RANBP17: variants seen among roughly 807,000 people sequenced by gnomAD.
RANBP17 encodes the protein RAN binding protein 17.
A neutral mutation model predicts 141.2 loss-of-function variants in RANBP17; 158 were observed. The observed-to-expected ratio is 1.12, with a 90% CI of 0.98 to 1.28. RANBP17 has a LOEUF of 1.28. Ranked by LOEUF, RANBP17 falls within the 50% of genes most tolerant of loss-of-function variation. RANBP17 has a pLI of 0.00. For synonymous variants in RANBP17, 430 were observed against 450.0 expected, an observed-to-expected ratio of 0.96 and a Z score of 0.56; for missense variants, 1,438 against 1,290.7, an observed-to-expected ratio of 1.11 and a Z score of -1.75.
At chr5:170,950,579 A>G (rs768388602) in intron 12 of RANBP17, among the ~76,000 whole-genome samples, 8 of 152,098 alleles carry the variant, frequency 5.3e-5, no homozygotes, top group Non-Finnish European at 1.2e-4. Flanking sequence ...AAACAGAAAA[A>G]ATAACAGAAG....
At chr5:171,053,562 T>C (rs1783108221) in intron 14 of RANBP17, among the ~76,000 whole-genome samples, 1 of 152,160 alleles carries the variant, frequency 6.6e-6, no homozygotes, top group Non-Finnish European at 1.5e-5. Context: ...TTTTTGTTTG[T>C]TGATCATGTT....
chr5:170,990,335 A>G (rs1475558952), intron 14 of RANBP17, among the ~76,000 whole-genome samples: 1 of 151,864 alleles, frequency 6.6e-6, no homozygotes, highest in Non-Finnish European at 1.5e-5. Flanking sequence ...TGGTTATGTA[A>G]TGTTAAGCGT....
At chr5:171,158,353 C>T (rs1011062926) in intron 14 of RANBP17, 28 of 186,570 alleles carry the variant, frequency 1.5e-4, no homozygotes, top group Admixed American at 4.4e-4. Flanking sequence ...GGCTCCCCAG[C>T]GCCAGTATCC....
intron 1 of RANBP17, among the ~76,000 whole-genome samples, chr5:170,867,865 C>T (rs1475056902): frequency 2.0e-5 from 3 of 152,148 alleles, no homozygotes; most frequent in South Asian, 4.1e-4. Flanking sequence ...ATCCATCCCC[C>T]CAAAAGTTTC....
intron 14 of RANBP17, among the ~76,000 whole-genome samples, chr5:171,117,409 C>T (rs1755712605): frequency 6.6e-6 from 1 of 152,020 alleles, no homozygotes; most frequent in Non-Finnish European, 1.5e-5. Context: ...TTGCATTTCC[C>T]TGATGATTAG....
At chr5:171,282,173 C>T (rs993556618) in intron 25 of RANBP17, among the ~76,000 whole-genome samples, 1 of 152,014 alleles carries the variant, frequency 6.6e-6, no homozygotes, top group African/African-American at 2.4e-5. Flanking sequence ...TAGCATGGCA[C>T]GATGGACTAT....
At chr5:171,181,947 G>A (rs1760886836) in intron 16 of RANBP17, among the ~76,000 whole-genome samples, 1 of 152,250 alleles carries the variant, frequency 6.6e-6, no homozygotes, top group African/African-American at 2.4e-5. Flanking sequence ...GGGAAACTAA[G>A]GCTGAGACAG....
chr5:170,907,863 G>A lies in RANBP17; in HGVS notation c.490-1798G>A, dbSNP rs914826924. Among the ~76,000 whole-genome samples, 5 of 151,880 alleles carry A rather than the reference G, an allele frequency of 3.3e-5. No homozygotes were observed. In the South Asian group the frequency reaches 6.2e-4, roughly 19 times the overall value. ...TAATCAAGAGAGGCATTAAAAATAA[G>A]CAAAAGACATGAACAGACACTTCTC... On this transcript the variant is annotated intron_variant, in intron 5 of 27. Transcript: ENST00000523189.
chr5:171,270,844 G>A (rs977079878), intron 25 of RANBP17, among the ~76,000 whole-genome samples: 1 of 152,012 alleles, frequency 6.6e-6, no homozygotes, highest in Non-Finnish European at 1.5e-5. Flanking sequence ...ACAGAAATTA[G>A]CAAGAACTAT....
chr5:171,189,160 G>A (rs1204777619), intron 18 of RANBP17, among the ~76,000 whole-genome samples: 1 of 152,100 alleles, frequency 6.6e-6, no homozygotes, highest in Non-Finnish European at 1.5e-5. Flanking sequence ...CTTGGTGCAT[G>A]GTAGGTGCTC....
At chr5:171,035,673 T>G (rs1781825173) in intron 14 of RANBP17, among the ~76,000 whole-genome samples, 1 of 151,056 alleles carries the variant, frequency 6.6e-6, no homozygotes, top group Non-Finnish European at 1.5e-5. Flanking sequence ...AGGAATCAAA[T>G]TCAGAAAGTG....
At chr5:171,177,435 G>A (rs1238767388) in intron 16 of RANBP17, among the ~76,000 whole-genome samples, 1 of 152,072 alleles carries the variant, frequency 6.6e-6, no homozygotes, top group Non-Finnish European at 1.5e-5. Flanking sequence ...TCCTTTGACC[G>A]TACTTGACTT....
rs1054809118 is a variant in RANBP17, at chr5:171,232,382, A to G, written c.2423-8546A>G. Reference sequence around the variant, plus strand: ...GTAAAGTTAAGGAAGGTATGGAACCACCATAAGCATACAGCCTGGGGTCCA... The same window carrying G: ...GTAAAGTTAAGGAAGGTATGGAACCGCCATAAGCATACAGCCTGGGGTCCA... On this transcript the variant is annotated intron_variant, in intron 22 of 27. Coordinates refer to ENST00000523189, the MANE Select transcript of RANBP17 (RefSeq NM_022897.5). 5.3e-5 allele frequency among the ~76,000 whole-genome samples: 8 copies of G among 152,296 alleles called. No homozygotes were observed. In the South Asian group the frequency reaches 1.7e-3, roughly 32 times the overall value.
intron 22 of RANBP17, among the ~76,000 whole-genome samples, chr5:171,237,420 T>C (rs191979516): frequency 6.6e-6 from 1 of 152,316 alleles, no homozygotes; most frequent in African/African-American, 2.4e-5. Flanking sequence ...GGGAATTCCA[T>C]AGTACTTGTG....
At chr5:171,265,135 G>T (rs1240002627) in intron 24 of RANBP17, among the ~76,000 whole-genome samples, 1 of 152,216 alleles carries the variant, frequency 6.6e-6, no homozygotes, top group East Asian at 1.9e-4. Flanking sequence ...AAAAGAGGTT[G>T]TTAAGGTCGC....
intron 14 of RANBP17, among the ~76,000 whole-genome samples, chr5:171,115,181 A>G (rs1755526080): frequency 6.6e-6 from 1 of 152,180 alleles, no homozygotes; most frequent in Non-Finnish European, 1.5e-5. Context: ...CCAAGCTACT[A>G]CTAAACTTCT....
chr5:170,862,339 G>A (rs1252824075), intron 1 of RANBP17, among the ~76,000 whole-genome samples: 2 of 152,206 alleles, frequency 1.3e-5, no homozygotes, highest in African/African-American at 4.8e-5. Context: ...GGGAAGGTGC[G>A]GACGCCGGCA....
chr5:170,994,593 A>T (rs958164864), intron 14 of RANBP17, among the ~76,000 whole-genome samples: 1 of 152,108 alleles, frequency 6.6e-6, no homozygotes, highest in African/African-American at 2.4e-5. Flanking sequence ...ACCAGATTCT[A>T]TCCCAAGAAA....
intron 21 of RANBP17, among the ~76,000 whole-genome samples, chr5:171,214,011 C>T (rs1182114825): frequency 1.3e-5 from 2 of 151,982 alleles, no homozygotes; most frequent in Non-Finnish European, 2.9e-5. Flanking sequence ...TTCAAAGGTA[C>T]GAAATGAAGG....
Sources: allele counts gnomAD v4.1 joint callset (sites outside exome capture counted in the v4.1 genomes callset), GRCh38; gene constraint gnomAD v4.1.1; transcripts MANE v1.5; gene names NCBI Gene and HGNC (gene_info 2026-07-23, HGNC 2026-07-21).